The following RAD18 variants were observed in gnomAD, a reference collection of about 807,000 sequenced individuals.
RAD18 encodes the protein RAD18 E3 ubiquitin protein ligase.
Under a neutral mutation model 60.4 loss-of-function variants are expected in RAD18, and 47 were observed. That is an observed-to-expected ratio of 0.78 (90% CI 0.62 to 0.99). RAD18 has a LOEUF of 0.99. Among genes scored for constraint, RAD18 ranks in the 50% least tolerant of loss-of-function variants. The pLI, the probability that RAD18 is intolerant of heterozygous loss-of-function variation, is 0.00. For missense variants in RAD18, 640 were observed against 593.3 expected, an observed-to-expected ratio of 1.08 and a Z score of -0.82; for synonymous variants, 225 against 195.5, an observed-to-expected ratio of 1.15 and a Z score of -1.26.
Position 8,881,412 on chromosome 3 carries a change from G to A in RAD18, c.1433C>T (p.Thr478Ile). The change falls in exon 13 of 13, where the codon ACA becomes ATA. Residue 478 changes from threonine (T) to isoleucine (I), a missense_variant. By Grantham distance (89) the Thr-to-Ile change is moderately conservative. Transcript: ENST00000264926. ...AATCTCAGCACTTTCAGCGGCTCTT[G>A]TGCGGCGATTCTGTCTTGGACTTAT... is the stretch of plus-strand genomic sequence containing the variant. ...TEISPRQNRRTRAAESAEIEP... is the reference protein window; with the variant it reads ...TEISPRQNRRIRAAESAEIEP... The A allele has an allele frequency of 6.2e-7, 1 of 1,613,318 alleles. No individual in the cohort carries two copies. The highest frequency in any genetic ancestry group is 8.5e-7 in the Non-Finnish European group (1 of 1,179,288).
Position 8,941,802 on chromosome 3 carries a change from T to C in RAD18, c.269A>G (p.Asn90Ser). 2 of 1,607,168 alleles carry C rather than the reference T, an allele frequency of 1.2e-6. No homozygotes were observed. The highest frequency in any genetic ancestry group is 1.7e-6 in the Non-Finnish European group (2 of 1,175,454). ...CTCTAAAGCAAACTGCAGCAGATGA[T>C]TCCTTGAAGCACAAAGAACACAACA... ...ELVKSLNFAR[N>S]HLLQFALESP... Residue 90 changes from asparagine (N) to serine (S), a missense_variant and splice_region_variant, in exon 5 of 13, where the codon AAT becomes AGT. Coordinates refer to ENST00000264926, the MANE Select transcript of RAD18 (RefSeq NM_020165.4).
chr3:8,896,865 T>C (rs935724108), intron 11 of RAD18, among the ~76,000 whole-genome samples: 2 of 151,578 alleles, frequency 1.3e-5, no homozygotes, highest in Non-Finnish European at 2.9e-5. Context: ...GTATTAAAGA[T>C]AGAAGAAAAA....
chr3:8,919,233 T>C (rs957090614), intron 7 of RAD18, among the ~76,000 whole-genome samples: 1 of 152,182 alleles, frequency 6.6e-6, no homozygotes, highest in African/African-American at 2.4e-5. Flanking sequence ...AGGATCTGCA[T>C]GCTAAACTTA....
At chr3:8,913,432 A>G (rs1390481405) in intron 8 of RAD18, among the ~76,000 whole-genome samples, 1 of 152,206 alleles carries the variant, frequency 6.6e-6, no homozygotes, top group Admixed American at 6.5e-5. Context: ...ACTCTAGCTC[A>G]TGAACAAACT....
chr3:8,908,249 A>G (rs996935938), intron 9 of RAD18, among the ~76,000 whole-genome samples: 1 of 150,742 alleles, frequency 6.6e-6, no homozygotes, highest in Non-Finnish European at 1.5e-5. Context: ...CCAGGCCCCC[A>G]ACCCCCAACT....
chr3:8,911,487 G>C (rs115540502), intron 9 of RAD18, among the ~76,000 whole-genome samples: 117 of 152,198 alleles, frequency 7.7e-4, no homozygotes, highest in African/African-American at 2.8e-3. Context: ...ATACTTATCT[G>C]TCCAGCAACA....
Position 8,952,977 on chromosome 3 carries a change from A to G in RAD18, c.134-4407T>C, listed in dbSNP as rs1319930290. 2.0e-5 allele frequency among the ~76,000 whole-genome samples: 3 copies of G among 152,270 alleles called. No individual in the cohort carries two copies. The East Asian group carries it at 5.8e-4, about 29-fold the overall frequency. ...AAATGTATTTAATATACCTATCTCT[A>G]GCCTGGGAAAAGATCAAAATTCAAA... is the stretch of plus-strand genomic sequence containing the variant. On this transcript the variant is annotated intron_variant, in intron 2 of 12. Coordinates refer to ENST00000264926, the MANE Select transcript of RAD18 (RefSeq NM_020165.4).
chr3:8,896,586 C>A (rs1216702330), intron 11 of RAD18, among the ~76,000 whole-genome samples: 1 of 152,234 alleles, frequency 6.6e-6, no homozygotes. Flanking sequence ...GCTGTCCTTT[C>A]TACCACAGAA....
At chr3:8,906,228 T>C (rs1939999448) in intron 9 of RAD18, among the ~76,000 whole-genome samples, 1 of 152,132 alleles carries the variant, frequency 6.6e-6, no homozygotes, top group Admixed American at 6.5e-5. Flanking sequence ...TTAGTAGTAA[T>C]ATAAAATTTA....
At chr3:8,950,020 TTTTTG>T (rs1940903460) in intron 2 of RAD18, among the ~76,000 whole-genome samples, 1 of 152,078 alleles carries the variant, frequency 6.6e-6, no homozygotes, top group South Asian at 2.1e-4. Flanking sequence ...TAGTCTGTTT[TTTTTG>T]TTTTGTTTTG....
chr3:8,904,310 A>G (rs1263031266), intron 9 of RAD18, among the ~76,000 whole-genome samples: 2 of 152,200 alleles, frequency 1.3e-5, no homozygotes, highest in East Asian at 1.9e-4. Flanking sequence ...TTATCTTTTA[A>G]CGCAAAAAGA....
Position 8,935,989 on chromosome 3 carries a change from C to G in RAD18, c.771G>C (p.Lys257Asn), listed in dbSNP as rs911743980. 2 of 1,610,176 alleles carry G rather than the reference C, an allele frequency of 1.2e-6. No homozygotes were observed. The highest frequency in any genetic ancestry group is 1.7e-6 in the Non-Finnish European group (2 of 1,177,758). The change falls in exon 7 of 13, where the codon AAG becomes AAC. Residue 257 changes from lysine to asparagine, a missense_variant. By Grantham distance (94) the Lys-to-Asn change is moderately conservative. Transcript: ENST00000264926. ...ATAATCCATGCTCTTTTAGCTTTTT[C>G]TTTAAATCACGATCAGAGAGCAAAT... ...VYNLLSDRDL[K>N]KKLKEHGLSI...
chr3:8,956,331 C>T (rs374135044), intron 2 of RAD18, among the ~76,000 whole-genome samples: 5 of 152,160 alleles, frequency 3.3e-5, no homozygotes, highest in African/African-American at 1.2e-4. Context: ...CATGCTGCAA[C>T]AGTCAATCTG....
chr3:8,940,149 G>A (rs933582817), intron 5 of RAD18, among the ~76,000 whole-genome samples: 1 of 152,078 alleles, frequency 6.6e-6, no homozygotes, highest in Non-Finnish European at 1.5e-5. Context: ...TCTCACTGAT[G>A]ATTCCATATA....
intron 11 of RAD18, 123 bp from the exon 12 acceptor site, chr3:8,890,574 T>A (rs1042489268): frequency 1.4e-5 from 9 of 646,546 alleles, no homozygotes; most frequent in African/African-American, 9.1e-5. Flanking sequence ...TGGTTACCAG[T>A]AAGAGGAAGG....
chr3:8,958,594 T>C (rs1941048068), intron 2 of RAD18, among the ~76,000 whole-genome samples: 1 of 152,220 alleles, frequency 6.6e-6, no homozygotes. Context: ...ACCTATCTGT[T>C]ATCCTGTTAA....
chr3:8,916,040 C>CAA (rs1940194511), intron 7 of RAD18, among the ~76,000 whole-genome samples: 1 of 152,162 alleles, frequency 6.6e-6, no homozygotes, highest in Non-Finnish European at 1.5e-5. Flanking sequence ...CATGAAGCCC[C>CAA]AATCACATCT....
intron 8 of RAD18, among the ~76,000 whole-genome samples, chr3:8,913,304 CAT>C (rs1390110336): frequency 2.6e-5 from 4 of 152,162 alleles, no homozygotes; most frequent in Non-Finnish European, 1.5e-5. Context: ...AAAAAGGGAT[CAT>C]AGAGGTCCCT....
chr3:8,905,080 C>A (rs914387907), intron 9 of RAD18, among the ~76,000 whole-genome samples: 2 of 152,220 alleles, frequency 1.3e-5, no homozygotes, highest in Non-Finnish European at 2.9e-5. Context: ...CCACTTACTT[C>A]TTTACTTCAT....
Sources: gnomAD v4.1 joint callset for allele counts (sites outside exome capture counted in the v4.1 genomes callset) on GRCh38, gnomAD v4.1.1 for gene constraint, MANE v1.5 for transcripts, NCBI Gene and HGNC (gene_info 2026-07-23, HGNC 2026-07-21) for gene names.